Variants in TREML2 observed in about 807,000 individuals in gnomAD.
TREML2 encodes the protein trem-like transcript 2 protein.
A neutral mutation model predicts 25.9 loss-of-function variants in TREML2; 24 were observed. The ratio of observed to expected loss-of-function variants is 0.93; its 90% CI spans 0.67 to 1.30. The LOEUF (loss-of-function observed/expected upper bound fraction) is 1.30, where lower values mean the gene tolerates loss of function less well. Ranked by LOEUF, TREML2 falls within the 50% of genes most tolerant of loss-of-function variation. TREML2 has a pLI of 0.00. For missense variants in TREML2, 359 were observed against 395.6 expected (o/e 0.91, Z 0.78); for synonymous variants, 139 against 155.2 (o/e 0.90, Z 0.77).
At chr6:41,198,082 G>A (rs114283564) in intron 2 of TREML2, 27 bp downstream of exon 2, 76,076 of 1,422,816 alleles carry the variant, frequency 0.053, 1,512 homozygotes, top group South Asian at 0.084. Flanking sequence ...CCCTCCACCC[G>A]TCCCAGAGCC....
intron 3 of TREML2, among the ~76,000 whole-genome samples, chr6:41,193,820 A>G: frequency 1.2e-5 from 1 of 80,970 alleles, no homozygotes; most frequent in Non-Finnish European, 2.3e-5. Context: ...ATTGCCCCCT[A>G]CCCTCATCTC....
chr6:41,193,026 T>G (rs760651847), intron 3 of TREML2, 125 bp from the exon 4 acceptor site: 2 of 697,638 alleles, frequency 2.9e-6, no homozygotes, highest in Non-Finnish European at 4.7e-6. Context: ...GGCCACCCTC[T>G]TCCTTACAGA....
rs1173448595 is a variant in TREML2 at position 41,190,116 on chromosome 6, C to A, written c.*2311G>T. Among the ~76,000 whole-genome samples, 1 of 152,082 alleles carries A rather than the reference C, an allele frequency of 6.6e-6. No individual in the cohort carries two copies. The highest frequency in any genetic ancestry group is 1.9e-4 in the East Asian group (1 of 5,184). On this transcript the variant is annotated 3_prime_UTR_variant, in exon 5 of 5. Coordinates refer to ENST00000483722, the MANE Select transcript of TREML2 (RefSeq NM_024807.4). ...CCCTGTGCAAGTTCCCATATCTGTG[C>A]CTGCAGCTTGATTTTTCAGGCTGTT... is the stretch of plus-strand genomic sequence containing the variant.
Position 41,201,023 on chromosome 6 carries a change from G to T in TREML2, c.-15C>A, listed in dbSNP as rs746160962. The stretch of plus-strand genomic sequence containing the variant: ...GCTGGGGCCATGGTTCCATCCAGCT[G>T]GGCAGTGTCAGGCCTGGAGATCCAA... On this transcript the variant is annotated 5_prime_UTR_variant, in exon 1 of 5. Transcript: ENST00000483722. 4 of 1,611,172 alleles carry T rather than the reference G, an allele frequency of 2.5e-6. No homozygotes were observed. The highest frequency in any genetic ancestry group is 1.7e-4 in the Middle Eastern group (1 of 6,046).
intron 2 of TREML2, 71 bp from the exon 3 acceptor site, chr6:41,194,904 CCA>C (rs1766134323): frequency 1.4e-6 from 2 of 1,434,998 alleles, no homozygotes; most frequent in Admixed American, 2.4e-5. Flanking sequence ...TCCTGGCAAC[CCA>C]CACAGTTGCC....
At chr6:41,199,634 T>G (rs997850109) in intron 1 of TREML2, among the ~76,000 whole-genome samples, 2 of 152,192 alleles carry the variant, frequency 1.3e-5, no homozygotes, top group Non-Finnish European at 2.9e-5. Flanking sequence ...GAAAGCTGCC[T>G]TGGGCTCCCT....
intron 3 of TREML2, among the ~76,000 whole-genome samples, chr6:41,193,930 T>A (rs1479194774): frequency 2.1e-5 from 2 of 94,428 alleles, no homozygotes; most frequent in Non-Finnish European, 4.0e-5. Context: ...CCCCTGACCC[T>A]AATGCCCCCG....
intron 3 of TREML2, 47 bp from the exon 4 acceptor site, chr6:41,192,948 C>T (rs1766094652): frequency 1.4e-6 from 2 of 1,457,514 alleles, no homozygotes; most frequent in Non-Finnish European, 1.8e-6. Flanking sequence ...CAAGGTCCCC[C>T]ATCCTAACCC....
chr6:41,189,932 T>C lies in TREML2; in HGVS notation c.*2495A>G, dbSNP rs3088370. On this transcript the variant is annotated 3_prime_UTR_variant, in exon 5 of 5. Coordinates refer to ENST00000483722, the MANE Select transcript of TREML2 (RefSeq NM_024807.4). ...GTAGCTCCCTGCTGTCCTTCTAATG[T>C]ACATGTGGGCCCTTGGCTTGAGTTA... Among the ~76,000 whole-genome samples the C allele has an allele frequency of 0.47, 71,336 of 152,050 alleles. 18,410 individuals are homozygous for C. The highest frequency in any genetic ancestry group is 0.7 in the African/African-American group (29,147 of 41,456).
intron 2 of TREML2, among the ~76,000 whole-genome samples, chr6:41,195,152 A>G (rs368663918): frequency 2.0e-5 from 3 of 151,922 alleles, no homozygotes; most frequent in East Asian, 3.9e-4. Context: ...CTTCGTTCCT[A>G]TGGGCCAAAA....
In TREML2 at chr6:41,192,709, G is replaced by A; in HGVS notation, c.886+92C>T. 2.3e-6 allele frequency: 3 copies of A among 1,287,886 alleles called. No homozygotes were observed. The South Asian group carries it at 3.8e-5, about 16-fold the overall frequency. The allele number at this position is 1,287,886 out of a possible 1,614,324, so 79.8% of individuals were successfully genotyped here. A position where few individuals can be genotyped will look rare whatever the true frequency, so the allele number is the denominator to read the frequency against. On this transcript the variant is annotated intron_variant, in intron 4 of 4. Transcript: ENST00000483722. Reference sequence around the variant, plus strand: ...GTCCTTTTGACTGGACACAGGCCAAGGGCCATACCACGTGGGGACTCGAGG... The same window carrying A: ...GTCCTTTTGACTGGACACAGGCCAAAGGCCATACCACGTGGGGACTCGAGG...
chr6:41,192,607 C>A, intron 4 of TREML2, 101 bp from the exon 5 acceptor site: 1 of 1,295,712 alleles, frequency 7.7e-7, no homozygotes, highest in East Asian at 2.4e-5. Flanking sequence ...GCCTCTGGTT[C>A]CTTCCAGGTC....
chr6:41,197,403 G>C (rs1435123692), intron 2 of TREML2, among the ~76,000 whole-genome samples: 1 of 152,134 alleles, frequency 6.6e-6, no homozygotes, highest in Non-Finnish European at 1.5e-5. Context: ...GACTAAATAA[G>C]CCTTATACAA....
intron 1 of TREML2, among the ~76,000 whole-genome samples, chr6:41,199,843 A>C (rs769462396): frequency 7.9e-5 from 12 of 152,254 alleles, no homozygotes; most frequent in Non-Finnish European, 1.5e-4. Context: ...TGATACAGAA[A>C]TATCAAAACA....
rs755071758 is a variant in TREML2, at chr6:41,194,852, G to A, written c.377-19C>T. On this transcript the variant is annotated intron_variant, in intron 2 of 4. Coordinates refer to ENST00000483722, the MANE Select transcript of TREML2 (RefSeq NM_024807.4). ...TGGGGAGCTGAAAGACAGAAAGGGA[G>A]GAACGTTAGATTGACTTGGGTGCCT... 8 of 1,543,542 alleles carry A rather than the reference G, an allele frequency of 5.2e-6. No individual in the cohort carries two copies. Among genetic ancestry groups the A allele is most frequent in the African/African-American group, 4.1e-5 (3 of 72,894 alleles).
Position 41,192,142 on chromosome 6 carries a change from C to G in TREML2, c.*285G>C. 2.3e-6 allele frequency: 1 copy of G among 442,616 alleles called. No individual in the cohort carries two copies. The highest frequency in any genetic ancestry group is 4.2e-6 in the Non-Finnish European group (1 of 238,586). 27.4% of individuals were successfully genotyped at this position (442,616 alleles called of 1,614,324 possible). A position where few individuals can be genotyped will look rare whatever the true frequency, so the allele number is the denominator to read the frequency against. ...GGTTCCCCTGCCTCCACCAAGAGCC[C>G]TGGGGTCTGCAGCTCCGAGCAGAAA... On this transcript the variant is annotated 3_prime_UTR_variant, in exon 5 of 5. Transcript: ENST00000483722.
intron 3 of TREML2, among the ~76,000 whole-genome samples, chr6:41,193,160 A>C (rs983903741): frequency 6.6e-6 from 1 of 152,136 alleles, no homozygotes; most frequent in Non-Finnish European, 1.5e-5. Flanking sequence ...ATCAGTGAGG[A>C]TGAGGATTCT....
Position 41,190,244 on chromosome 6 carries a change from T to G in TREML2, c.*2183A>C, listed in dbSNP as rs890385802. ...TCCTTCTCCAGATGAGGAAACAAGATCAGAGAGGGACAGTGACTTGCCAAG... is the reference window on the plus strand; with the variant it reads ...TCCTTCTCCAGATGAGGAAACAAGAGCAGAGAGGGACAGTGACTTGCCAAG... On this transcript the variant is annotated 3_prime_UTR_variant, in exon 5 of 5. Transcript: ENST00000483722. The G allele has an allele frequency of 6.6e-6, 1 of 152,048 alleles. No individual in the cohort carries two copies. The highest frequency in any genetic ancestry group is 1.5e-5 in the Non-Finnish European group (1 of 68,018). 9.4% of individuals were successfully genotyped at this position (152,048 alleles called of 1,614,324 possible).
At chr6:41,197,244 C>A (rs949501843) in intron 2 of TREML2, among the ~76,000 whole-genome samples, 2 of 152,188 alleles carry the variant, frequency 1.3e-5, no homozygotes, top group African/African-American at 4.8e-5. Flanking sequence ...CCATCCTCAA[C>A]AAGTGGCCAC....
Sources: gnomAD v4.1 joint callset for allele counts (sites outside exome capture counted in the v4.1 genomes callset) on GRCh38, gnomAD v4.1.1 for gene constraint, MANE v1.5 for transcripts, NCBI Gene and HGNC (gene_info 2026-07-23, HGNC 2026-07-21) for gene names.